The following NCAM1 variants were observed in gnomAD, a reference collection of about 807,000 sequenced individuals.
NCAM1 encodes the protein antigen recognized by monoclonal antibody 5.1H11.
NCAM1 carries 14 observed loss-of-function variants against 109.8 expected under a neutral mutation model. That is an observed-to-expected ratio of 0.13 (90% confidence interval 0.08 to 0.20). The LOEUF (loss-of-function observed/expected upper bound fraction) is 0.20. Among genes scored for constraint, NCAM1 ranks in the 10% least tolerant of loss-of-function variants. NCAM1 has a pLI of 1.00. For synonymous variants in NCAM1, 418 were observed against 442.9 expected (o/e 0.94, Z 0.70); for missense variants, 774 against 1,109.9 (o/e 0.70, Z 4.30).
At chr11:113,075,426 G>A (rs1591304211) in intron 1 of NCAM1, among the ~76,000 whole-genome samples, 1 of 152,150 alleles carries the variant, frequency 6.6e-6, no homozygotes, top group African/African-American at 2.4e-5. Flanking sequence ...TTTAGCATAA[G>A]GAAAGCTGCA....
At chr11:113,064,399 T>C (rs1937845339) in intron 1 of NCAM1, among the ~76,000 whole-genome samples, 1 of 152,192 alleles carries the variant, frequency 6.6e-6, no homozygotes, top group African/African-American at 2.4e-5. Context: ...TAAACCAATG[T>C]TAAGTTTTAA....
chr11:113,209,867 G>A (rs1555113414), intron 7 of NCAM1, among the ~76,000 whole-genome samples: 1 of 152,198 alleles, frequency 6.6e-6, no homozygotes, highest in East Asian at 1.9e-4. Flanking sequence ...GTAAGTTAGA[G>A]AAGTCATTAA....
At position 112,973,437 on chromosome 11, in the gene NCAM1, A is replaced by G. The variant is rs137979049; in HGVS notation, c.52+11773A>G. Reference sequence around the variant, plus strand: ...GAAAGCTCTTTGGTTTGGGTACATAATTATAAATTATCTTTCTTTCTTTCT... The same window carrying G: ...GAAAGCTCTTTGGTTTGGGTACATAGTTATAAATTATCTTTCTTTCTTTCT... On this transcript the variant is annotated intron_variant, in intron 1 of 19. Transcript: ENST00000316851. Among the ~76,000 whole-genome samples, 10 of 152,230 alleles carry G rather than the reference A, an allele frequency of 6.6e-5. No individual in the cohort carries two copies. In the East Asian group the frequency reaches 1.9e-3, roughly 29 times the overall value.
At chr11:113,182,023 G>A (rs1943349807) in intron 1 of NCAM1, among the ~76,000 whole-genome samples, 1 of 152,124 alleles carries the variant, frequency 6.6e-6, no homozygotes, top group Non-Finnish European at 1.5e-5. Context: ...TCAATACAGT[G>A]ATTTTTTTCT....
At chr11:113,223,032 G>A (rs1340312514) in intron 9 of NCAM1, among the ~76,000 whole-genome samples, 2 of 152,138 alleles carry the variant, frequency 1.3e-5, no homozygotes, top group Non-Finnish European at 2.9e-5. Flanking sequence ...TTACCTGGAA[G>A]GAGGGAGACA....
chr11:113,205,270 A>G (rs966550713), intron 3 of NCAM1, among the ~76,000 whole-genome samples: 6 of 152,160 alleles, frequency 3.9e-5, no homozygotes, highest in Admixed American at 1.3e-4. Context: ...TATTCCTTTC[A>G]TTCTGTAGAC....
intron 1 of NCAM1, among the ~76,000 whole-genome samples, chr11:113,154,756 A>G (rs1942350139): frequency 6.6e-6 from 1 of 152,196 alleles, no homozygotes; most frequent in Non-Finnish European, 1.5e-5. Context: ...CTGCTGAGAG[A>G]TGGGACAGAA....
intron 1 of NCAM1, among the ~76,000 whole-genome samples, chr11:113,100,213 G>T (rs1307933588): frequency 1.3e-5 from 2 of 152,114 alleles, no homozygotes; most frequent in Non-Finnish European, 2.9e-5. Context: ...TTAGGACAGG[G>T]GTGTGGCTTG....
At chr11:113,155,798 C>T (rs928631512) in intron 1 of NCAM1, among the ~76,000 whole-genome samples, 10 of 152,250 alleles carry the variant, frequency 6.6e-5, no homozygotes, top group African/African-American at 2.4e-4. Flanking sequence ...CCTTGAGTGT[C>T]TGGCACATGT....
chr11:113,262,986 C>T, intron 17 of NCAM1: 1 of 1,573,640 alleles, frequency 6.4e-7, no homozygotes, highest in South Asian at 1.2e-5. Flanking sequence ...AAGATCAGTG[C>T]CCCCTTTGGA....
chr11:112,998,426 G>T (rs1226392308), intron 1 of NCAM1, among the ~76,000 whole-genome samples: 1 of 151,900 alleles, frequency 6.6e-6, no homozygotes, highest in African/African-American at 2.4e-5. Context: ...TCTTATTATT[G>T]ATTTGATAGA....
chr11:112,965,827 AAGTGATTG>A (rs1340860451), intron 1 of NCAM1, among the ~76,000 whole-genome samples: 23 of 152,216 alleles, frequency 1.5e-4, no homozygotes, highest in African/African-American at 5.1e-4. Flanking sequence ...AGTGTAAAAT[AAGTGATTG>A]AGTACCTGTT....
At chr11:113,221,858 C>A (rs565752342) in intron 9 of NCAM1, 1 of 153,716 alleles carries the variant, frequency 6.5e-6, no homozygotes, top group African/African-American at 2.4e-5. Flanking sequence ...AATTGCTAAA[C>A]GTATCTCTGT....
At chr11:113,088,890 T>G (rs1466769614) in intron 1 of NCAM1, among the ~76,000 whole-genome samples, 3 of 152,240 alleles carry the variant, frequency 2.0e-5, no homozygotes, top group African/African-American at 7.2e-5. Context: ...GGATATTATT[T>G]ATTTTTTGAT....
chr11:112,978,803 G>A (rs1951074166), intron 1 of NCAM1, among the ~76,000 whole-genome samples: 1 of 151,792 alleles, frequency 6.6e-6, no homozygotes, highest in Non-Finnish European at 1.5e-5. Context: ...CATTGTCTGT[G>A]TTCACATATT....
intron 1 of NCAM1, among the ~76,000 whole-genome samples, chr11:113,161,441 T>C (rs1301093816): frequency 6.6e-6 from 1 of 152,178 alleles, no homozygotes; most frequent in African/African-American, 2.4e-5. Flanking sequence ...AAGAGGCTGC[T>C]GGAGTGTATT....
intron 1 of NCAM1, among the ~76,000 whole-genome samples, chr11:113,149,665 T>C (rs1555102044): frequency 6.6e-6 from 1 of 152,250 alleles, no homozygotes; most frequent in Non-Finnish European, 1.5e-5. Flanking sequence ...ATTTATTTTT[T>C]TACCTTCACT....
intron 1 of NCAM1, chr11:113,133,685 T>G (rs146955679): frequency 6.6e-6 from 1 of 152,330 alleles, no homozygotes; most frequent in Non-Finnish European, 1.5e-5. Context: ...GGGGGGAATC[T>G]TTGTGTTTAT....
intron 1 of NCAM1, among the ~76,000 whole-genome samples, chr11:113,116,540 C>T (rs1940717595): frequency 6.6e-6 from 1 of 152,232 alleles, no homozygotes; most frequent in African/African-American, 2.4e-5. Context: ...TTGCATCAAA[C>T]AACTGGAATC....
Sources: gnomAD v4.1 joint callset for allele counts (sites outside exome capture counted in the v4.1 genomes callset) on GRCh38, gnomAD v4.1.1 for gene constraint, MANE v1.5 for transcripts, NCBI Gene and HGNC (gene_info 2026-07-23, HGNC 2026-07-21) for gene names.